VWC2L: variants seen among roughly 807,000 people sequenced by gnomAD.
VWC2L encodes the protein von Willebrand factor C domain-containing protein 2-like.
Under a neutral mutation model 21.6 loss-of-function variants are expected in VWC2L, and 10 were observed. That is an observed-to-expected ratio of 0.46 (90% CI 0.29 to 0.78). The LOEUF (loss-of-function observed/expected upper bound fraction) is 0.78. VWC2L is among the 30% of genes least tolerant of loss of function. The probability of loss-of-function intolerance (pLI) is 0.10; values close to 1 mark genes in which losing one functional copy is unlikely to be tolerated. For synonymous variants in VWC2L, 96 were observed against 94.3 expected (o/e 1.02, Z -0.10); for missense variants, 209 against 277.1 (o/e 0.75, Z 1.74).
At chr2:214,567,093 A>G (rs1239153027) in intron 3 of VWC2L, among the ~76,000 whole-genome samples, 2 of 152,236 alleles carry the variant, frequency 1.3e-5, no homozygotes, top group African/African-American at 4.8e-5. Flanking sequence ...AAGATCATTT[A>G]CAGCCAATTT....
intron 3 of VWC2L, among the ~76,000 whole-genome samples, chr2:214,573,823 G>A (rs902918943): frequency 9.2e-5 from 14 of 152,162 alleles, no homozygotes; most frequent in African/African-American, 3.4e-4. Context: ...CAGCAATAAG[G>A]ATGGCCAGTG....
intron 3 of VWC2L, among the ~76,000 whole-genome samples, chr2:214,567,591 CACACAGAG>C (rs1262150099): frequency 6.0e-5 from 8 of 133,684 alleles, no homozygotes; most frequent in African/African-American, 1.2e-4. Context: ...CACACACACA[CACACAGAG>C]AGAGAGAGAG....
chr2:214,469,389 G>A (rs1703270861), intron 3 of VWC2L, among the ~76,000 whole-genome samples: 1 of 152,148 alleles, frequency 6.6e-6, no homozygotes, highest in Non-Finnish European at 1.5e-5. Context: ...CACGAGGCCA[G>A]GAGATCCAGA....
At chr2:214,495,405 G>A (rs1688798009) in intron 3 of VWC2L, among the ~76,000 whole-genome samples, 1 of 152,130 alleles carries the variant, frequency 6.6e-6, no homozygotes, top group Non-Finnish European at 1.5e-5. Flanking sequence ...CATCTGAAAT[G>A]ACAGATTCTC....
At chr2:214,555,220 C>T (rs1025632642) in intron 3 of VWC2L, among the ~76,000 whole-genome samples, 1 of 152,218 alleles carries the variant, frequency 6.6e-6, no homozygotes, top group Non-Finnish European at 1.5e-5. Context: ...AGACCCTTCT[C>T]TGACTTCAAG....
intron 3 of VWC2L, among the ~76,000 whole-genome samples, chr2:214,562,152 C>T (rs569748068): frequency 1.1e-3 from 172 of 152,110 alleles, no homozygotes; most frequent in African/African-American, 4.1e-3. Flanking sequence ...CTCCCTCCCC[C>T]AACTACACCC....
rs114055507 is a variant in VWC2L, at chr2:214,423,407, A to T, written c.390+8824A>T. ...ATTGTGCCAAATAATGGCACAGCTC[A>T]TTATTTGCAAAAGCAGTATTAATAT... is the stretch of plus-strand genomic sequence containing the variant. On this transcript the variant is annotated intron_variant, in intron 2 of 3. Transcript: ENST00000312504. Among the ~76,000 whole-genome samples the T allele has an allele frequency of 8.4e-3, 1,277 of 152,248 alleles. 24 individuals carry two copies. Among genetic ancestry groups the T allele is most frequent in the African/African-American group, 0.029 (1,203 of 41,562 alleles).
intron 3 of VWC2L, among the ~76,000 whole-genome samples, chr2:214,508,924 C>G (rs947162520): frequency 2.6e-5 from 4 of 151,974 alleles, no homozygotes; most frequent in Admixed American, 2.0e-4. Context: ...TCCTTTCCTT[C>G]TCCCTCCCTC....
At chr2:214,415,035 A>G (rs1321722804) in intron 2 of VWC2L, 2 of 171,832 alleles carry the variant, frequency 1.2e-5, no homozygotes, top group Admixed American at 1.3e-4. Flanking sequence ...AGCTACAGAG[A>G]TATACTTCTT....
chr2:214,412,708 TA>T (rs1702297065), intron 1 of VWC2L, among the ~76,000 whole-genome samples: 1 of 152,084 alleles, frequency 6.6e-6, no homozygotes, highest in African/African-American at 2.4e-5. Context: ...ATATCTACCT[TA>T]AAATGCAAAT....
intron 3 of VWC2L, among the ~76,000 whole-genome samples, chr2:214,519,665 AAAGC>A (rs1355423528): frequency 6.6e-6 from 1 of 152,192 alleles, no homozygotes; most frequent in East Asian, 1.9e-4. Context: ...TCCAATTACA[AAAGC>A]CTTTCGCTTC....
At chr2:214,423,216 G>C (rs1702470094) in intron 2 of VWC2L, among the ~76,000 whole-genome samples, 1 of 151,906 alleles carries the variant, frequency 6.6e-6, no homozygotes, top group Admixed American at 6.6e-5. Flanking sequence ...TTTGTAAAAA[G>C]GCAGGCATTA....
rs151079626 is a variant in VWC2L at position 214,491,395 on chromosome 2, A to G, written c.520+54637A>G. 2.6e-5 allele frequency among the ~76,000 whole-genome samples: 4 copies of G among 152,316 alleles called. No homozygotes were observed. The East Asian group carries it at 7.7e-4, about 29-fold the overall frequency. ...GACGCAGAGCACGAGCAATGGGTTA[A>G]ATTTGGATGGAATAAGGTTTTCCAT... On this transcript the variant is annotated intron_variant, in intron 3 of 3. Transcript: ENST00000312504.
intron 3 of VWC2L, among the ~76,000 whole-genome samples, chr2:214,449,498 G>A (rs968094320): frequency 2.0e-5 from 3 of 152,200 alleles, no homozygotes; most frequent in Admixed American, 2.0e-4. Flanking sequence ...CACATTATGT[G>A]ACTTAAAAAT....
intron 3 of VWC2L, among the ~76,000 whole-genome samples, chr2:214,499,094 C>A (rs1281751797): frequency 6.4e-5 from 9 of 140,922 alleles, no homozygotes; most frequent in Non-Finnish European, 1.3e-4. Context: ...TCTCAGCTCA[C>A]TGCAACCTCT....
chr2:214,539,258 G>C (rs991678724), intron 3 of VWC2L, among the ~76,000 whole-genome samples: 1 of 152,038 alleles, frequency 6.6e-6, no homozygotes, highest in Non-Finnish European at 1.5e-5. Flanking sequence ...TTGGCATCAA[G>C]GGAAACGATT....
At chr2:214,571,561 T>C (rs9808569) in intron 3 of VWC2L, among the ~76,000 whole-genome samples, 47,367 of 152,038 alleles carry the variant, frequency 0.31, 8,880 homozygotes, top group African/African-American at 0.54. Flanking sequence ...CAATATATAA[T>C]TAGTTTATAC....
chr2:214,473,788 A>G (rs1013537887), intron 3 of VWC2L: 1 of 152,104 alleles, frequency 6.6e-6, no homozygotes, highest in Non-Finnish European at 1.5e-5. Flanking sequence ...AAAAAAAAAA[A>G]AAGACACTCT....
chr2:214,496,539 T>C (rs1688816106), intron 3 of VWC2L, among the ~76,000 whole-genome samples: 1 of 152,184 alleles, frequency 6.6e-6, no homozygotes, highest in Non-Finnish European at 1.5e-5. Context: ...TTGCTATTCC[T>C]AAGAATACGT....
Sources: allele counts gnomAD v4.1 joint callset (sites outside exome capture counted in the v4.1 genomes callset), GRCh38; gene constraint gnomAD v4.1.1; transcripts MANE v1.5; gene names NCBI Gene and HGNC (gene_info 2026-07-23, HGNC 2026-07-21).